Variants in UBE2E2 observed in about 807,000 individuals in gnomAD.
UBE2E2 encodes ubiquitin conjugating enzyme E2 E2, also known as ubiquitin-conjugating enzyme E2 E2.
In UBE2E2, 6 loss-of-function variants were observed where a neutral mutation model predicts 24.7. The observed-to-expected ratio is 0.24, with a 90% CI of 0.13 to 0.48. The LOEUF (loss-of-function observed/expected upper bound fraction) is 0.48. Ranked by LOEUF, UBE2E2 falls within the 20% of genes least tolerant of loss-of-function variation. The probability of loss-of-function intolerance (pLI) is 0.99; values close to 1 mark genes in which losing one functional copy is unlikely to be tolerated. For missense variants in UBE2E2, 169 were observed against 245.0 expected (o/e 0.69, Z 2.07); for synonymous variants, 104 against 83.6 (o/e 1.24, Z -1.33).
At chr3:23,250,749 C>T (rs1697553335) in intron 3 of UBE2E2, among the ~76,000 whole-genome samples, 1 of 152,192 alleles carries the variant, frequency 6.6e-6, no homozygotes, top group Admixed American at 6.5e-5. Context: ...TTGAGTTTTT[C>T]TGTTTGCTTT....
intron 3 of UBE2E2, among the ~76,000 whole-genome samples, chr3:23,219,368 C>G (rs1696564295): frequency 6.6e-6 from 1 of 152,160 alleles, no homozygotes; most frequent in Admixed American, 6.5e-5. Context: ...AAGTGCATCA[C>G]TGTGGTCTTT....
chr3:23,223,274 C>A (rs975860127), intron 3 of UBE2E2, among the ~76,000 whole-genome samples: 1 of 151,076 alleles, frequency 6.6e-6, no homozygotes, highest in Admixed American at 6.6e-5. Flanking sequence ...CTCACTGCAA[C>A]CACTGCCTCC....
intron 3 of UBE2E2, among the ~76,000 whole-genome samples, chr3:23,341,398 A>G (rs1695384662): frequency 6.6e-6 from 1 of 152,136 alleles, no homozygotes; most frequent in South Asian, 2.1e-4. Context: ...CCAAAGCCAC[A>G]CTATTGAGAT....
intron 3 of UBE2E2, among the ~76,000 whole-genome samples, chr3:23,330,775 A>G (rs139161096): frequency 0.022 from 3,365 of 152,328 alleles, 43 homozygotes; most frequent in Middle Eastern, 0.034. Flanking sequence ...AGATCGAATT[A>G]CTATCCTAGG....
chr3:23,232,560 C>T (rs1697002780), intron 3 of UBE2E2, among the ~76,000 whole-genome samples: 1 of 152,076 alleles, frequency 6.6e-6, no homozygotes, highest in South Asian at 2.1e-4. Context: ...AAAAATAATA[C>T]TTGCATCCTC....
At chr3:23,350,638 G>C (rs1695717785) in intron 3 of UBE2E2, among the ~76,000 whole-genome samples, 1 of 152,206 alleles carries the variant, frequency 6.6e-6, no homozygotes, top group South Asian at 2.1e-4. Flanking sequence ...GGGTATCAGT[G>C]ATGGAAGACG....
chr3:23,438,686 G>A (rs1217121309), intron 3 of UBE2E2, among the ~76,000 whole-genome samples: 1 of 152,086 alleles, frequency 6.6e-6, no homozygotes, highest in Non-Finnish European at 1.5e-5. Context: ...TATGCATCAT[G>A]GTTTGATATA....
At chr3:23,267,704 A>G (rs1698089881) in intron 3 of UBE2E2, among the ~76,000 whole-genome samples, 1 of 152,164 alleles carries the variant, frequency 6.6e-6, no homozygotes, top group African/African-American at 2.4e-5. Context: ...AACTCATTTT[A>G]TAAGGCCAGC....
intron 3 of UBE2E2, among the ~76,000 whole-genome samples, chr3:23,329,913 T>C (rs1695013434): frequency 6.6e-6 from 1 of 152,228 alleles, no homozygotes; most frequent in Non-Finnish European, 1.5e-5. Flanking sequence ...AAGTTCTGTA[T>C]TTGGCAAGAA....
At chr3:23,555,248 T>C (rs1464244120) in intron 5 of UBE2E2, among the ~76,000 whole-genome samples, 1 of 152,086 alleles carries the variant, frequency 6.6e-6, no homozygotes, top group African/African-American at 2.4e-5. Context: ...AAAGATGACA[T>C]TAAAATGGCC....
chr3:23,403,808 C>T (rs1381577420), intron 3 of UBE2E2, among the ~76,000 whole-genome samples: 1 of 82,200 alleles, frequency 1.2e-5, no homozygotes, highest in African/African-American at 3.9e-5. Context: ...ATTCCGTCTC[C>T]AAAAAAAAAA....
At chr3:23,279,764 T>C (rs1008162819) in intron 3 of UBE2E2, among the ~76,000 whole-genome samples, 3 of 152,190 alleles carry the variant, frequency 2.0e-5, no homozygotes, top group East Asian at 3.8e-4. Flanking sequence ...CCAGAGTCAG[T>C]TGGATAATGT....
chr3:23,400,643 T>C lies in UBE2E2; in HGVS notation c.228-98965T>C, dbSNP rs913722058. ...ACACACACACACACACACACACACA[T>C]CTCAGGCCTTTCAGTACTATAATTA... On this transcript the variant is annotated intron_variant, in intron 3 of 5. Coordinates refer to ENST00000396703, the MANE Select transcript of UBE2E2 (RefSeq NM_152653.4). Among the ~76,000 whole-genome samples the C allele has an allele frequency of 2.2e-4, 20 of 91,114 alleles. 2 individuals are homozygous for C. The highest frequency in any genetic ancestry group is 3.8e-4 in the Admixed American group (4 of 10,512). The allele number at this position is 91,114 out of a possible 152,430, so 59.8% of individuals were successfully genotyped here.
intron 4 of UBE2E2, among the ~76,000 whole-genome samples, chr3:23,510,139 A>C (rs951838236): frequency 6.6e-6 from 1 of 152,160 alleles, no homozygotes; most frequent in Non-Finnish European, 1.5e-5. Context: ...AGACAGAGAG[A>C]AATGAATGTT....
chr3:23,240,617 G>A (rs1206634288), intron 3 of UBE2E2, among the ~76,000 whole-genome samples: 2 of 152,216 alleles, frequency 1.3e-5, no homozygotes, highest in Non-Finnish European at 2.9e-5. Flanking sequence ...TGCAGTGAAA[G>A]CTGCAGATGA....
At chr3:23,403,569 C>A (rs545484216) in intron 3 of UBE2E2, among the ~76,000 whole-genome samples, 1 of 152,200 alleles carries the variant, frequency 6.6e-6, no homozygotes, top group East Asian at 1.9e-4. Flanking sequence ...GCCTGTAATC[C>A]CAGCACTTAG....
intron 3 of UBE2E2, among the ~76,000 whole-genome samples, chr3:23,247,517 G>A (rs1697446224): frequency 6.6e-6 from 1 of 152,110 alleles, no homozygotes; most frequent in African/African-American, 2.4e-5. Flanking sequence ...ACCAAGCCTG[G>A]CTAATTTTTG....
chr3:23,346,821 C>T (rs1221876950), intron 3 of UBE2E2, among the ~76,000 whole-genome samples: 2 of 152,126 alleles, frequency 1.3e-5, no homozygotes, highest in East Asian at 3.8e-4. Flanking sequence ...TTGAAAACTT[C>T]GTTCATATAT....
intron 3 of UBE2E2, among the ~76,000 whole-genome samples, chr3:23,342,053 G>A (rs1392347098): frequency 1.3e-5 from 2 of 152,200 alleles, no homozygotes; most frequent in African/African-American, 4.8e-5. Flanking sequence ...ATTGTTTACA[G>A]TGGAGACTTT....
Sources: gnomAD v4.1 joint callset for allele counts (sites outside exome capture counted in the v4.1 genomes callset) on GRCh38, gnomAD v4.1.1 for gene constraint, MANE v1.5 for transcripts, NCBI Gene and HGNC (gene_info 2026-07-23, HGNC 2026-07-21) for gene names.